Variants in LTBP1 observed in about 807,000 individuals in gnomAD.
The protein encoded by LTBP1 is latent transforming growth factor beta binding protein 1, also known as latent-transforming growth factor beta-binding protein 1.
Under a neutral mutation model 207.6 loss-of-function variants are expected in LTBP1, and 129 were observed. The observed-to-expected ratio is 0.62, with a 90% CI of 0.54 to 0.72. LTBP1 has a LOEUF of 0.72. Among genes scored for constraint, LTBP1 ranks in the 30% least tolerant of loss-of-function variants. LTBP1 has a pLI of 0.00. For synonymous variants in LTBP1, 963 were observed against 833.7 expected (o/e 1.16, Z -2.67); for missense variants, 2,281 against 2,217.2 (o/e 1.03, Z -0.58).
At chr2:33,365,972 A>G (rs1052537069) in intron 31 of LTBP1, among the ~76,000 whole-genome samples, 6 of 152,200 alleles carry the variant, frequency 3.9e-5, no homozygotes, top group African/African-American at 1.2e-4. Flanking sequence ...AAAAAGGGAA[A>G]AGTACAGAAA....
At chr2:33,097,591 C>T (rs2079466799) in intron 3 of LTBP1, among the ~76,000 whole-genome samples, 1 of 152,050 alleles carries the variant, frequency 6.6e-6, no homozygotes, top group Admixed American at 6.5e-5. Flanking sequence ...TTTAGCTTTT[C>T]CCACTTTATA....
chr2:33,103,256 A>G (rs978126792), intron 3 of LTBP1, among the ~76,000 whole-genome samples: 9 of 148,636 alleles, frequency 6.1e-5, no homozygotes, highest in African/African-American at 1.5e-4. Context: ...TGCAGTCTCT[A>G]TGTTGTATAC....
intron 2 of LTBP1, among the ~76,000 whole-genome samples, chr2:32,993,053 C>G (rs219159): frequency 2.0e-5 from 3 of 151,856 alleles, no homozygotes; most frequent in Admixed American, 2.0e-4. Flanking sequence ...GCTGGTGGGC[C>G]TGCAGATGGA....
chr2:33,392,450 G>A (rs1159914730), intron 32 of LTBP1, among the ~76,000 whole-genome samples: 2 of 152,198 alleles, frequency 1.3e-5, no homozygotes, highest in East Asian at 1.9e-4. Context: ...CTTCCAAAGT[G>A]CTGGGATTAA....
At position 33,257,279 on chromosome 2, in the gene LTBP1, T is replaced by G; in HGVS notation, c.2168-5T>G. On this transcript the variant is annotated splice_region_variant and splice_polypyrimidine_tract_variant and intron_variant, in intron 11 of 33. Transcript: ENST00000404816. Reference sequence around the variant, plus strand: ...AAAAGGAATATTTTCCCATCCCAAATCTAGCTGCTTTTAAGGAAATCTGTC... The same window carrying G: ...AAAAGGAATATTTTCCCATCCCAAAGCTAGCTGCTTTTAAGGAAATCTGTC... The G allele has an allele frequency of 6.2e-7, 1 of 1,609,694 alleles. No individual in the cohort carries two copies. The highest frequency in any genetic ancestry group is 8.5e-7 in the Non-Finnish European group (1 of 1,176,070).
chr2:32,957,163 G>A (rs1347059650), intron 2 of LTBP1, among the ~76,000 whole-genome samples: 3 of 152,220 alleles, frequency 2.0e-5, no homozygotes. Context: ...CACCAGCTGT[G>A]TTAGCTCCTA....
chr2:33,057,486 C>T (rs541076343), intron 3 of LTBP1, among the ~76,000 whole-genome samples: 2 of 152,324 alleles, frequency 1.3e-5, no homozygotes, highest in South Asian at 2.1e-4. Context: ...GGGCAGCTCT[C>T]ATCGGGGAGG....
rs2148838952 is a variant in LTBP1 at position 33,292,816 on chromosome 2, C to T, written c.3113-344C>T. Reference sequence around the variant, plus strand: ...TCAATTTCCAAAATAGACCTCAACCCATCTTTGGTTCTTTGGAAAATGCTT... The same window carrying T: ...TCAATTTCCAAAATAGACCTCAACCTATCTTTGGTTCTTTGGAAAATGCTT... On this transcript the variant is annotated intron_variant, in intron 19 of 33. Transcript: ENST00000404816. Among the ~76,000 whole-genome samples the T allele has an allele frequency of 2.6e-5, 4 of 152,264 alleles. 1 individual carries two copies. In the South Asian group the frequency reaches 8.3e-4, roughly 32 times the overall value.
intron 5 of LTBP1, among the ~76,000 whole-genome samples, chr2:33,135,545 G>C (rs1043435115): frequency 6.7e-6 from 1 of 148,734 alleles, no homozygotes; most frequent in Non-Finnish European, 1.5e-5. Flanking sequence ...AAGACAGACT[G>C]GTAGATTACT....
intron 5 of LTBP1, among the ~76,000 whole-genome samples, chr2:33,177,215 G>C (rs1352177059): frequency 6.6e-6 from 1 of 152,092 alleles, no homozygotes; most frequent in African/African-American, 2.4e-5. Context: ...ATATTTTCTT[G>C]TTCGCTATAT....
intron 5 of LTBP1, among the ~76,000 whole-genome samples, chr2:33,180,665 A>G (rs1308811105): frequency 1.3e-5 from 2 of 152,040 alleles, no homozygotes; most frequent in Non-Finnish European, 2.9e-5. Flanking sequence ...CTTGTTGACC[A>G]GGCTGGTCTT....
At chr2:33,331,560 T>C (rs2094494246) in intron 24 of LTBP1, among the ~76,000 whole-genome samples, 1 of 152,190 alleles carries the variant, frequency 6.6e-6, no homozygotes, top group Admixed American at 6.5e-5. Flanking sequence ...TTAAAACCAC[T>C]ATGGCCAGAG....
chr2:33,103,394 G>C (rs1298785675), intron 3 of LTBP1, among the ~76,000 whole-genome samples: 1 of 152,188 alleles, frequency 6.6e-6, no homozygotes, highest in African/African-American at 2.4e-5. Flanking sequence ...TCTGTATGCT[G>C]TATGCATTGT....
chr2:33,105,922 G>A (rs1572659898), intron 3 of LTBP1, among the ~76,000 whole-genome samples: 1 of 152,276 alleles, frequency 6.6e-6, no homozygotes, highest in South Asian at 2.1e-4. Context: ...AGCATTTTAC[G>A]CACAATAGAA....
intron 2 of LTBP1, among the ~76,000 whole-genome samples, chr2:32,952,673 C>T (rs1426060058): frequency 6.6e-6 from 1 of 152,206 alleles, no homozygotes; most frequent in African/African-American, 2.4e-5. Flanking sequence ...AACTGAACCT[C>T]CCCCCATGCC....
chr2:33,394,360 A>C (rs1183185699), intron 32 of LTBP1, among the ~76,000 whole-genome samples: 1 of 152,264 alleles, frequency 6.6e-6, no homozygotes, highest in Non-Finnish European at 1.5e-5. Context: ...TTAGACATGA[A>C]GTCCTTGCCC....
At chr2:33,229,392 T>A (rs1166966412) in intron 9 of LTBP1, among the ~76,000 whole-genome samples, 2 of 152,116 alleles carry the variant, frequency 1.3e-5, no homozygotes, top group African/African-American at 4.8e-5. Context: ...AAGGGTTGCT[T>A]GAGTCCGGGA....
chr2:33,161,527 A>G (rs1447020148), intron 5 of LTBP1, among the ~76,000 whole-genome samples: 1 of 152,130 alleles, frequency 6.6e-6, no homozygotes, highest in Non-Finnish European at 1.5e-5. Context: ...TCAGCCTTCC[A>G]AAGTGTTGGC....
chr2:33,309,628 G>A, intron 23 of LTBP1, 72 bp downstream of exon 23: 1 of 1,531,828 alleles, frequency 6.5e-7, no homozygotes, highest in South Asian at 1.2e-5. Flanking sequence ...CCAGATGATA[G>A]TCTGTGGTTT....
Sources: gnomAD v4.1 joint callset for allele counts (sites outside exome capture counted in the v4.1 genomes callset) on GRCh38, gnomAD v4.1.1 for gene constraint, MANE v1.5 for transcripts, NCBI Gene and HGNC (gene_info 2026-07-23, HGNC 2026-07-21) for gene names.